Variants in BSN observed in about 807,000 individuals in gnomAD.
The protein encoded by BSN is protein bassoon.
BSN carries 57 observed loss-of-function variants against 264.8 expected under a neutral mutation model. That is an observed-to-expected ratio of 0.22 (90% CI 0.17 to 0.27). The LOEUF is 0.27. Ranked by LOEUF, BSN falls within the 10% of genes least tolerant of loss-of-function variation. The pLI, the probability that BSN is intolerant of heterozygous loss-of-function variation, is 1.00. For synonymous variants in BSN, 2,059 were observed against 2,137.3 expected (o/e 0.96, Z 1.01); for missense variants, 4,615 against 5,232.5 (o/e 0.88, Z 3.64).
chr3:49,584,329 T>C (rs745395870), intron 1 of BSN, among the ~76,000 whole-genome samples: 4 of 151,940 alleles, frequency 2.6e-5, no homozygotes, highest in Non-Finnish European at 5.9e-5. Context: ...GGTTTTATTG[T>C]CTTTCTCTAT....
chr3:49,568,436 AC>A (rs2051771149), intron 1 of BSN, among the ~76,000 whole-genome samples: 1 of 152,096 alleles, frequency 6.6e-6, no homozygotes, highest in African/African-American at 2.4e-5. Flanking sequence ...TGTTCCCTCT[AC>A]TTTATTCTCT....
chr3:49,656,146 C>A lies in BSN; in HGVS notation c.6590C>A (p.Thr2197Asn). The change falls in exon 5 of 12, where the codon ACT (threonine) becomes AAT (asparagine). Residue 2197 changes from threonine (T) to asparagine (N), a missense_variant. Transcript: ENST00000296452. ...VRAADGMIYS[T>N]INTPIAATLP... ...GCAGCTGATGGCATGATCTACTCGA[C>A]TATCAATACCCCAATTGCTGCAACA... 6.2e-7 allele frequency: 1 copy of A among 1,613,114 alleles called. No homozygotes were observed. The highest frequency in any genetic ancestry group is 8.5e-7 in the Non-Finnish European group (1 of 1,179,982).
rs1418170421 is a variant in BSN, at chr3:49,652,069, C to T, written c.2513C>T (p.Thr838Ile). ...CCCCCAGCCCGGGCAGCAGAACTGA[C>T]TGATGAGGATTTCATGCGACGGCAG... The part of the protein sequence containing the change: ...PQPPARAAEL[T>I]DEDFMRRQIL... The change falls in exon 5 of 12, where the codon ACT (threonine) becomes ATT (isoleucine). Residue 838 changes from threonine (T) to isoleucine (I), a missense_variant. This residue lies in a region of BSN where 1,197 missense variants were observed against 1,348.0 expected (regional missense o/e 0.89). Transcript: ENST00000296452. 1.9e-6 allele frequency: 3 copies of T among 1,610,050 alleles called. No homozygotes were observed. The highest frequency in any genetic ancestry group is 2.5e-6 in the Non-Finnish European group (3 of 1,177,186).
At chr3:49,624,300 C>CTTTGTTTTTTTTTT (rs2052326433) in intron 1 of BSN, among the ~76,000 whole-genome samples, 1 of 67,184 alleles carries the variant, frequency 1.5e-5, no homozygotes, top group Non-Finnish European at 2.7e-5. Context: ...CGTGCCCAGC[C>CTTTGTTTTTTTTTT]TTTTTTTTTT....
chr3:49,656,459 G>T lies in BSN; in HGVS notation c.6903G>T (p.Met2301Ile). 1 of 1,596,268 alleles carries T rather than the reference G, an allele frequency of 6.3e-7. No homozygotes were observed. The change falls in exon 5 of 12, where the codon ATG becomes ATT. Residue 2301 changes from methionine to isoleucine, a missense_variant. Met to Ile is a conservative substitution (Grantham distance 10, BLOSUM62 1). Around this residue, in one of 3 missense-constraint regions of BSN, gnomAD observed 3,415 missense variants for 3,866.4 expected, o/e 0.88. Coordinates refer to ENST00000296452, the MANE Select transcript of BSN (RefSeq NM_003458.4). ...PGAGGPSRPE[M>I]PVGAAREEPL... ...CTGGGGGCCCTTCAAGGCCAGAGAT[G>T]CCAGTAGGGGCTGCACGGGAAGAGC...
At chr3:49,663,737 G>A in intron 7 of BSN, 50 bp from the exon 8 acceptor site, 1 of 1,612,046 alleles carries the variant, frequency 6.2e-7, no homozygotes, top group Non-Finnish European at 8.5e-7. Flanking sequence ...CATCCCCTTG[G>A]TTCCAGGCTG....
At chr3:49,589,081 A>G (rs1189579022) in intron 1 of BSN, among the ~76,000 whole-genome samples, 3 of 29,478 alleles carry the variant, frequency 1.0e-4, no homozygotes, top group Non-Finnish European at 1.5e-4. Flanking sequence ...CGCCTGGCTA[A>G]ATTTTTTTTT....
intron 1 of BSN, among the ~76,000 whole-genome samples, chr3:49,601,661 C>G (rs576538882): frequency 6.6e-6 from 1 of 152,128 alleles, no homozygotes; most frequent in Non-Finnish European, 1.5e-5. Flanking sequence ...TCCATGGTGT[C>G]GCTTTCAGAG....
At chr3:49,584,691 C>T (rs142025395) in intron 1 of BSN, among the ~76,000 whole-genome samples, 3,628 of 152,220 alleles carry the variant, frequency 0.024, 156 homozygotes, top group African/African-American at 0.084. Context: ...TGACTATAGT[C>T]ACCTTGTTGT....
intron 11 of BSN, among the ~76,000 whole-genome samples, chr3:49,666,258 G>A (rs935031869): frequency 6.6e-6 from 1 of 152,224 alleles, no homozygotes; most frequent in African/African-American, 2.4e-5. Flanking sequence ...GCCCGGGCCA[G>A]CACTGGTTGT....
chr3:49,554,800 C>G lies in BSN; in HGVS notation c.198C>G (p.Gly66=). Residue 66 remains glycine (G), a synonymous_variant, in exon 1 of 12, where the codon GGC becomes GGG. Transcript: ENST00000296452. ...CACCGGTCCCTGGCCCCGGCCCCGG[C>G]CCCGGTCCCGGCCCTGGCCCGGGCA... ...AVPPVPGPGP[G]PGPGPGPGST... is the part of the protein sequence containing the mutation. 1.6e-6 allele frequency: 2 copies of G among 1,219,162 alleles called. No homozygotes were observed. The highest frequency in any genetic ancestry group is 2.0e-6 in the Non-Finnish European group (2 of 980,362). 75.5% of individuals were successfully genotyped at this position (1,219,162 alleles called of 1,614,324 possible).
chr3:49,652,813 G>A lies in BSN; in HGVS notation c.3257G>A (p.Arg1086Lys), dbSNP rs1401358675. The change falls in exon 5 of 12, where the codon AGG (arginine) becomes AAG (lysine). Residue 1086 changes from arginine to lysine, a missense_variant. By Grantham distance (26) the Arg-to-Lys change is conservative (BLOSUM62 2). Transcript: ENST00000296452. ...AAGGAAGAACTGCGGGCCCAGCGGAGGCGAGAGCGCTCCAAGACACCACCC... is the reference window on the plus strand; with the variant it reads ...AAGGAAGAACTGCGGGCCCAGCGGAAGCGAGAGCGCTCCAAGACACCACCC... ...RDKEELRAQR[R>K]RERSKTPPSN... The A allele has an allele frequency of 1.3e-6, 2 of 1,566,440 alleles. No individual in the cohort carries two copies. The highest frequency in any genetic ancestry group is 1.4e-5 in the African/African-American group (1 of 73,414).
chr3:49,570,728 G>A (rs1358723431), intron 1 of BSN, among the ~76,000 whole-genome samples: 1 of 152,240 alleles, frequency 6.6e-6, no homozygotes, highest in African/African-American at 2.4e-5. Flanking sequence ...TAGCCAGAGA[G>A]CCTGGTGGGG....
At position 49,661,183 on chromosome 3, in the gene BSN, G is replaced by T; in HGVS notation, c.9338G>T (p.Arg3113Leu). The T allele has an allele frequency of 1.9e-6, 3 of 1,613,348 alleles. No homozygotes were observed. The highest frequency in any genetic ancestry group is 2.5e-6 in the Non-Finnish European group (3 of 1,179,970). Residue 3113 changes from arginine to leucine, a missense_variant, in exon 6 of 12, where the codon CGC becomes CTC. Coordinates refer to ENST00000296452, the MANE Select transcript of BSN (RefSeq NM_003458.4). ...GGCCTGCCAAACCAGCAGGCTTTCC[G>T]CCCCACAGGCCACTATGCAGGCCAA... ...EPGLPNQQAF[R>L]PTGHYAGQTP...
At chr3:49,611,188 G>T (rs1418068843) in intron 1 of BSN, among the ~76,000 whole-genome samples, 1 of 152,174 alleles carries the variant, frequency 6.6e-6, no homozygotes, top group Non-Finnish European at 1.5e-5. Context: ...CTCTTAGTTT[G>T]TCTTGACTTC....
intron 1 of BSN, among the ~76,000 whole-genome samples, chr3:49,623,860 A>G (rs183813431): frequency 3.3e-5 from 5 of 152,308 alleles, no homozygotes; most frequent in East Asian, 3.9e-4. Flanking sequence ...TGGTATCTCA[A>G]TATAGTAACT....
At chr3:49,583,884 T>G (rs996121226) in intron 1 of BSN, among the ~76,000 whole-genome samples, 12 of 152,070 alleles carry the variant, frequency 7.9e-5, no homozygotes, top group African/African-American at 2.9e-4. Context: ...TTTATTTATT[T>G]ATTTATCAAG....
Position 49,651,839 on chromosome 3 carries a change from C to G in BSN, c.2283C>G (p.Pro761=), listed in dbSNP as rs573330798. 6 of 1,613,874 alleles carry G rather than the reference C, an allele frequency of 3.7e-6. No individual in the cohort carries two copies. In the East Asian group the frequency reaches 1.3e-4, roughly 36 times the overall value. The change falls in exon 5 of 12, where the codon CCC becomes CCG. Residue 761 remains proline (P), a synonymous_variant. Transcript: ENST00000296452. This position sits in a 1 kb window ranked among gnomAD's most constrained non-coding sequence, Gnocchi z 5.4. Reference sequence around the variant, plus strand: ...CTGGCGAGGAGCAGAAGCAGCGGCCCCACTCCTTGTCCATCACGCCTGAGG... The same window carrying G: ...CTGGCGAGGAGCAGAAGCAGCGGCCGCACTCCTTGTCCATCACGCCTGAGG... ...SGTGEEQKQR[P]HSLSITPEAF... is the part of the protein sequence containing the mutation.
intron 1 of BSN, among the ~76,000 whole-genome samples, chr3:49,589,150 G>A (rs1217681708): frequency 6.9e-6 from 1 of 145,628 alleles, no homozygotes; most frequent in Non-Finnish European, 1.5e-5. Flanking sequence ...CTGACCTTGT[G>A]ATCCGCCCGC....
Sources: gnomAD v4.1 joint callset for allele counts (sites outside exome capture counted in the v4.1 genomes callset) on GRCh38, gnomAD v4.1.1 for gene constraint, gnomAD v4.1.1 regional missense constraint, Gnocchi (gnomAD v3.1) non-coding constraint, MANE v1.5 for transcripts, NCBI Gene and HGNC (gene_info 2026-07-23, HGNC 2026-07-21) for gene names.